PLCE1: variants seen among roughly 807,000 people sequenced by gnomAD.
PLCE1 encodes the protein phospholipase C epsilon 1.
Under a neutral mutation model 242.8 loss-of-function variants are expected in PLCE1, and 119 were observed. That is an observed-to-expected ratio of 0.49 (90% CI 0.42 to 0.57). PLCE1 has a LOEUF of 0.57. PLCE1 is among the 20% of genes least tolerant of loss of function. The probability of loss-of-function intolerance (pLI) is 0.00; values close to 1 mark genes in which losing one functional copy is unlikely to be tolerated. For synonymous variants in PLCE1, 945 were observed against 1,017.4 expected (o/e 0.93, Z 1.35); for missense variants, 2,441 against 2,788.8 (o/e 0.88, Z 2.81).
chr10:94,269,288 G>C (rs2133109671), intron 17 of PLCE1, among the ~76,000 whole-genome samples: 1 of 151,818 alleles, frequency 6.6e-6, no homozygotes, highest in East Asian at 1.9e-4. Flanking sequence ...TTCCAGTAGA[G>C]ATGGGGTTTC....
intron 29 of PLCE1, among the ~76,000 whole-genome samples, chr10:94,319,035 A>C (rs940413071): frequency 6.6e-6 from 1 of 152,150 alleles, no homozygotes; most frequent in Non-Finnish European, 1.5e-5. Flanking sequence ...GTGACAGAGC[A>C]AGACTTCATC....
At chr10:94,181,985 A>G (rs2048327278) in intron 4 of PLCE1, among the ~76,000 whole-genome samples, 1 of 152,200 alleles carries the variant, frequency 6.6e-6, no homozygotes. Context: ...CCAACACACC[A>G]ATAGTTGAGA....
chr10:94,067,115 C>T (rs2044218500), intron 2 of PLCE1, among the ~76,000 whole-genome samples: 1 of 152,202 alleles, frequency 6.6e-6, no homozygotes, highest in East Asian at 1.9e-4. Flanking sequence ...TCCTCCCCAA[C>T]CCTCAGGTCC....
chr10:94,013,727 C>T (rs1237790703), intron 1 of PLCE1, among the ~76,000 whole-genome samples: 1 of 152,076 alleles, frequency 6.6e-6, no homozygotes, highest in Non-Finnish European at 1.5e-5. Context: ...GGTGCATGCT[C>T]AAATGACAAC....
rs531719329 is a variant in PLCE1, at chr10:94,242,010, A to C, written c.2421-3936A>C. Among the ~76,000 whole-genome samples the C allele has an allele frequency of 2.6e-3, 398 of 152,278 alleles. 2 individuals carry two copies. The highest frequency in any genetic ancestry group is 7.5e-3 in the African/African-American group (310 of 41,554). The stretch of plus-strand genomic sequence containing the variant: ...ATGAGCATTGTCTTTTTGCCATCTA[A>C]TAGTGAGGCTCAGAGAGGTTGAGTG... On this transcript the variant is annotated intron_variant, in intron 7 of 32. Transcript: ENST00000371380.
chr10:94,293,722 G>A (rs2133456090), intron 23 of PLCE1, 83 bp downstream of exon 23: 4 of 1,475,870 alleles, frequency 2.7e-6, no homozygotes, highest in Non-Finnish European at 3.8e-6. Context: ...CACTTCCCTT[G>A]AATTTTTTAA....
chr10:94,103,145 GCTGA>G (rs1230816529), intron 2 of PLCE1, among the ~76,000 whole-genome samples: 6 of 152,180 alleles, frequency 3.9e-5, no homozygotes, highest in Non-Finnish European at 5.9e-5. Context: ...TTTATTAGGC[GCTGA>G]CTGTCAGGTG....
chr10:94,159,716 C>T (rs2047548176), intron 3 of PLCE1, among the ~76,000 whole-genome samples: 1 of 152,084 alleles, frequency 6.6e-6, no homozygotes, highest in Admixed American at 6.6e-5. Flanking sequence ...GTGCTGCACC[C>T]ATTATCTCGT....
At chr10:93,999,852 G>T (rs757659515) in intron 1 of PLCE1, among the ~76,000 whole-genome samples, 108 of 152,342 alleles carry the variant, frequency 7.1e-4, no homozygotes, top group Admixed American at 1.1e-3. Flanking sequence ...ACTTGAGCTG[G>T]TTAGTGTCAG....
chr10:94,319,864 C>CTTTTTTTTTTTTTTTTTTTTTTTTTT (rs58610099), intron 29 of PLCE1, among the ~76,000 whole-genome samples: 1 of 92,938 alleles, frequency 1.1e-5, no homozygotes, highest in Non-Finnish European at 2.2e-5. Context: ...CAAAGGTGCT[C>CTTTTTTTTTTTTTTTTTTTTTTTTTT]TTTTTTTTTT....
At chr10:94,279,688 T>C in intron 19 of PLCE1, 94 bp from the exon 20 acceptor site, 2 of 1,415,112 alleles carry the variant, frequency 1.4e-6, no homozygotes, top group Non-Finnish European at 2.0e-6. Flanking sequence ...AAGCCACTTT[T>C]AACGATTGTG....
At chr10:94,219,862 G>A (rs1017079712) in intron 4 of PLCE1, among the ~76,000 whole-genome samples, 8 of 152,152 alleles carry the variant, frequency 5.3e-5, no homozygotes, top group Non-Finnish European at 1.2e-4. Context: ...TTGTTCTGAA[G>A]ACAAATGTGA....
intron 19 of PLCE1, among the ~76,000 whole-genome samples, chr10:94,275,991 A>C (rs2051940680): frequency 6.6e-6 from 1 of 152,150 alleles, no homozygotes; most frequent in South Asian, 2.1e-4. Context: ...TGGGAGCCTC[A>C]CATTTATCTC....
At chr10:94,198,041 C>A (rs1454120889) in intron 4 of PLCE1, among the ~76,000 whole-genome samples, 3 of 139,316 alleles carry the variant, frequency 2.2e-5, no homozygotes, top group Admixed American at 2.2e-4. Context: ...GATGATGAAA[C>A]CTGTTGGATG....
chr10:94,253,380 G>A (rs764808753), intron 9 of PLCE1, among the ~76,000 whole-genome samples: 18 of 151,980 alleles, frequency 1.2e-4, no homozygotes, highest in Non-Finnish European at 2.5e-4. Context: ...TAGAAACAGG[G>A]TCTTGCTCTG....
At chr10:94,300,368 G>A (rs1309718890) in intron 24 of PLCE1, among the ~76,000 whole-genome samples, 2 of 152,180 alleles carry the variant, frequency 1.3e-5, no homozygotes, top group Non-Finnish European at 2.9e-5. Context: ...AAATCAAGTT[G>A]GGATTGAGAG....
At chr10:94,004,746 C>T (rs2061001804) in intron 1 of PLCE1, among the ~76,000 whole-genome samples, 1 of 152,160 alleles carries the variant, frequency 6.6e-6, no homozygotes, top group African/African-American at 2.4e-5. Context: ...TTTTGAGTCA[C>T]TCCCCTGTGT....
chr10:94,145,737 G>C (rs1215511863), intron 3 of PLCE1, among the ~76,000 whole-genome samples: 2 of 151,964 alleles, frequency 1.3e-5, no homozygotes, highest in Admixed American at 6.6e-5. Flanking sequence ...GGTCCTGCAG[G>C]CATCTCCATT....
chr10:94,031,644 A>G lies in PLCE1; in HGVS notation c.598A>G (p.Thr200Ala). Residue 200 changes from threonine to alanine, a missense_variant, in exon 2 of 33, where the codon ACT becomes GCT. Transcript: ENST00000371380. ...TGAAGTTGACAGAAGAATGTCAGAC[A>G]CTTTCTGTACCCTATCAGAAAACTT... Reference protein sequence around the residue: ...HYEVDRRMSDTFCTLSENLIL... With the variant: ...HYEVDRRMSDAFCTLSENLIL... 1 of 1,613,724 alleles carries G rather than the reference A, an allele frequency of 6.2e-7. No individual in the cohort carries two copies. Among genetic ancestry groups the G allele is most frequent in the Non-Finnish European group, 8.5e-7 (1 of 1,179,822 alleles).
Sources: allele counts gnomAD v4.1 joint callset (sites outside exome capture counted in the v4.1 genomes callset), GRCh38; gene constraint gnomAD v4.1.1; transcripts MANE v1.5; gene names NCBI Gene and HGNC (gene_info 2026-07-23, HGNC 2026-07-21).